Variants in ADARB2 observed in about 807,000 individuals in gnomAD.
ADARB2 encodes the protein adenosine deaminase RNA specific B2 (inactive), also known as inactive double-stranded RNA-specific editase B2.
A neutral mutation model predicts 62.2 loss-of-function variants in ADARB2; 25 were observed. The observed-to-expected ratio is 0.40, with a 90% CI of 0.29 to 0.56. The LOEUF is 0.56. ADARB2 is among the 20% of genes least tolerant of loss of function. The pLI, the probability that ADARB2 is intolerant of heterozygous loss-of-function variation, is 0.43. For missense variants in ADARB2, 1,071 were observed against 1,077.4 expected (o/e 0.99, Z 0.08); for synonymous variants, 572 against 500.8 (o/e 1.14, Z -1.90).
intron 1 of ADARB2, among the ~76,000 whole-genome samples, chr10:1,644,925 G>A (rs1173166339): frequency 1.3e-5 from 2 of 152,216 alleles, no homozygotes; most frequent in Non-Finnish European, 2.9e-5. Flanking sequence ...ATTTTCGCAA[G>A]CAGTTTTAAG....
At chr10:1,539,758 G>A (rs2069629846) in intron 1 of ADARB2, among the ~76,000 whole-genome samples, 1 of 152,236 alleles carries the variant, frequency 6.6e-6, no homozygotes, top group Non-Finnish European at 1.5e-5. Context: ...CACACATAAA[G>A]TGGTGACAAA....
At chr10:1,416,580 T>A (rs1832803998) in intron 1 of ADARB2, among the ~76,000 whole-genome samples, 1 of 152,184 alleles carries the variant, frequency 6.6e-6, no homozygotes, top group Non-Finnish European at 1.5e-5. Flanking sequence ...CTGGCTGGGA[T>A]CCAGGAAAGG....
chr10:1,403,389 C>G (rs1258418229), intron 1 of ADARB2, among the ~76,000 whole-genome samples: 1 of 152,186 alleles, frequency 6.6e-6, no homozygotes. Flanking sequence ...CACTCACACC[C>G]CGATGCAGGA....
rs143445714 is a variant in ADARB2 at position 1,728,472 on chromosome 10, C to T, written c.100+8579G>A. Among the ~76,000 whole-genome samples the T allele has an allele frequency of 1.5e-3, 224 of 152,258 alleles. 1 individual carries two copies. Among genetic ancestry groups the T allele is most frequent in the African/African-American group, 4.4e-3 (183 of 41,534 alleles). On this transcript the variant is annotated intron_variant, in intron 1 of 9. Transcript: ENST00000381312. Reference sequence around the variant, plus strand: ...TTTCAACTTTCTCTATTTGAATAAACGCTTTTGTGCTTTACCTCTTGAGTC... The same window carrying T: ...TTTCAACTTTCTCTATTTGAATAAATGCTTTTGTGCTTTACCTCTTGAGTC...
At chr10:1,312,994 C>T (rs889993755) in intron 3 of ADARB2, among the ~76,000 whole-genome samples, 7 of 151,910 alleles carry the variant, frequency 4.6e-5, no homozygotes, top group African/African-American at 1.7e-4. Context: ...GGGGTTTTCT[C>T]ACCATTTCAC....
chr10:1,308,491 T>G (rs1399992552), intron 3 of ADARB2, among the ~76,000 whole-genome samples: 3 of 152,226 alleles, frequency 2.0e-5, no homozygotes, highest in Non-Finnish European at 4.4e-5. Flanking sequence ...TGGACACAAA[T>G]TTTCAATTCA....
At chr10:1,449,764 A>G (rs1224772634) in intron 1 of ADARB2, among the ~76,000 whole-genome samples, 1 of 152,238 alleles carries the variant, frequency 6.6e-6, no homozygotes, top group Non-Finnish European at 1.5e-5. Flanking sequence ...TATAGGCCGT[A>G]TCTCCAGGTC....
At chr10:1,546,956 A>G (rs1832529517) in intron 1 of ADARB2, among the ~76,000 whole-genome samples, 1 of 152,204 alleles carries the variant, frequency 6.6e-6, no homozygotes, top group Admixed American at 6.5e-5. Flanking sequence ...GGTTTTGGGG[A>G]AAGGGTGAAC....
chr10:1,349,806 T>C (rs1473347928), intron 3 of ADARB2, among the ~76,000 whole-genome samples: 3 of 152,200 alleles, frequency 2.0e-5, no homozygotes, highest in Non-Finnish European at 4.4e-5. Context: ...GACGCCTCTC[T>C]GATTATTCAT....
At chr10:1,717,313 A>T (rs1039537181) in intron 1 of ADARB2, among the ~76,000 whole-genome samples, 3 of 151,544 alleles carry the variant, frequency 2.0e-5, no homozygotes, top group Non-Finnish European at 4.4e-5. Context: ...GAGTCGGGGA[A>T]GCCCTGGGGA....
intron 1 of ADARB2, among the ~76,000 whole-genome samples, chr10:1,496,198 A>C (rs987819097): frequency 4.0e-5 from 6 of 151,352 alleles, no homozygotes; most frequent in Admixed American, 6.6e-5. Flanking sequence ...TCATCACCAT[A>C]ATAAGTATCA....
At position 1,737,147 on chromosome 10, in the gene ADARB2, C is replaced by T; in HGVS notation, c.4G>A (p.Ala2Thr). M[A>T]SVLGSGRGSG... ...CCTCTGCCGCTCCCCAGGACCGAGG[C>T]CATGGCCGAGACCCAGGCGCGGAGC... The change falls in exon 1 of 10, where the codon GCC (alanine) becomes ACC (threonine). Residue 2 changes from alanine to threonine, a missense_variant. Transcript: ENST00000381312. 2 of 1,607,586 alleles carry T rather than the reference C, an allele frequency of 1.2e-6. No homozygotes were observed. The highest frequency in any genetic ancestry group is 1.7e-6 in the Non-Finnish European group (2 of 1,179,866).
At chr10:1,195,166 C>G (rs989052923) in intron 8 of ADARB2, among the ~76,000 whole-genome samples, 6 of 152,158 alleles carry the variant, frequency 3.9e-5, no homozygotes, top group African/African-American at 1.2e-4. Context: ...AAAATCTCCC[C>G]TCCCATCCCT....
chr10:1,630,385 C>T (rs1027248541), intron 1 of ADARB2, among the ~76,000 whole-genome samples: 5 of 152,094 alleles, frequency 3.3e-5, no homozygotes, highest in Admixed American at 6.5e-5. Context: ...TCCTACCCAG[C>T]GGTGACACCC....
chr10:1,296,657 T>C (rs1468102933), intron 3 of ADARB2, among the ~76,000 whole-genome samples: 1 of 152,134 alleles, frequency 6.6e-6, no homozygotes, highest in East Asian at 1.9e-4. Context: ...CTCTCTGCAT[T>C]TAGCATCTTT....
intron 1 of ADARB2, among the ~76,000 whole-genome samples, chr10:1,401,228 G>C (rs540542984): frequency 6.6e-6 from 1 of 152,332 alleles, no homozygotes; most frequent in East Asian, 1.9e-4. Context: ...GCAGCCGGGT[G>C]GGGGACGGCC....
intron 1 of ADARB2, among the ~76,000 whole-genome samples, chr10:1,559,401 C>T (rs568725881): frequency 1.2e-4 from 19 of 152,176 alleles, no homozygotes; most frequent in Admixed American, 2.0e-4. Flanking sequence ...GCAAGTGACA[C>T]GGGTCACATT....
At chr10:1,459,939 T>C (rs1026910082) in intron 1 of ADARB2, among the ~76,000 whole-genome samples, 6 of 144,416 alleles carry the variant, frequency 4.2e-5, no homozygotes, top group African/African-American at 1.6e-4. Flanking sequence ...TGAGTTTACC[T>C]GCGTTACGAA....
chr10:1,558,234 C>A (rs1291450023), intron 1 of ADARB2, among the ~76,000 whole-genome samples: 1 of 151,096 alleles, frequency 6.6e-6, no homozygotes, highest in Non-Finnish European at 1.5e-5. Flanking sequence ...TGCCCCCCTC[C>A]ATGGGTGCTC....
Sources: allele counts gnomAD v4.1 joint callset (sites outside exome capture counted in the v4.1 genomes callset), GRCh38; gene constraint gnomAD v4.1.1; transcripts MANE v1.5; gene names NCBI Gene and HGNC (gene_info 2026-07-23, HGNC 2026-07-21).